SPTBN1: variants seen among roughly 807,000 people sequenced by gnomAD.
SPTBN1 encodes the protein spectrin beta chain, non-erythrocytic 1.
Under a neutral mutation model 266.4 loss-of-function variants are expected in SPTBN1, and 32 were observed. That is an observed-to-expected ratio of 0.12 (90% CI 0.09 to 0.16). The LOEUF (loss-of-function observed/expected upper bound fraction) is 0.16. Among genes scored for constraint, SPTBN1 ranks in the 10% least tolerant of loss-of-function variants. SPTBN1 has a pLI of 1.00. For missense variants in SPTBN1, 2,296 were observed against 3,067.1 expected (o/e 0.75, Z 5.94); for synonymous variants, 1,336 against 1,162.2 (o/e 1.15, Z -3.04).
intron 18 of SPTBN1, among the ~76,000 whole-genome samples, chr2:54,639,943 GC>G (rs937290609): frequency 1.3e-5 from 2 of 152,122 alleles, no homozygotes; most frequent in African/African-American, 4.8e-5. Context: ...CCCTTGTCCT[GC>G]CTGTCTCTCC....
At chr2:54,481,441 T>TGTGTG (rs1668101332) in intron 1 of SPTBN1, among the ~76,000 whole-genome samples, 1 of 139,104 alleles carries the variant, frequency 7.2e-6, no homozygotes, top group African/African-American at 2.7e-5. Flanking sequence ...TGTGTGTGTG[T>TGTGTG]TTTGTTTTGT....
At chr2:54,617,101 T>G (rs964905631) in intron 5 of SPTBN1, among the ~76,000 whole-genome samples, 7 of 152,228 alleles carry the variant, frequency 4.6e-5, no homozygotes, top group African/African-American at 1.7e-4. Context: ...TCATTATGGG[T>G]AAGTTTCACA....
At chr2:54,613,306 A>T (rs905101871) in intron 4 of SPTBN1, among the ~76,000 whole-genome samples, 3 of 55,414 alleles carry the variant, frequency 5.4e-5, no homozygotes, top group African/African-American at 5.2e-4. Flanking sequence ...TTTAATAAAG[A>T]TCTGTTTTGA....
intron 5 of SPTBN1, among the ~76,000 whole-genome samples, chr2:54,616,514 C>T (rs1677626968): frequency 6.6e-6 from 1 of 152,156 alleles, no homozygotes; most frequent in Non-Finnish European, 1.5e-5. Flanking sequence ...TAATCAGTTT[C>T]CTTCTCTTTA....
rs568646405 is a variant in SPTBN1, at chr2:54,652,003, A to AC, written c.5578-1599dup. On this transcript the variant is annotated intron_variant, in intron 26 of 35. Transcript: ENST00000356805. ...CCCCACAAGCCCTACTGCTGTCCGTACCCCCCCGCCTTTTACCCCACTTAG... is the reference window on the plus strand; with the variant it reads ...CCCCACAAGCCCTACTGCTGTCCGTACCCCCCCCGCCTTTTACCCCACTTAG... 2.8e-4 allele frequency among the ~76,000 whole-genome samples: 43 copies of AC among 151,136 alleles called. No individual in the cohort carries two copies. In the South Asian group the frequency reaches 5.5e-3, roughly 19 times the overall value.
intron 2 of SPTBN1, among the ~76,000 whole-genome samples, chr2:54,563,538 CT>C (rs1196569482): frequency 1.3e-5 from 2 of 149,246 alleles, no homozygotes; most frequent in African/African-American, 4.9e-5. Context: ...AATTTCTTAA[CT>C]CTTAGAAAGT....
chr2:54,547,954 T>C (rs921502417), intron 2 of SPTBN1, among the ~76,000 whole-genome samples: 32 of 152,168 alleles, frequency 2.1e-4, no homozygotes, highest in African/African-American at 7.0e-4. Context: ...CCATCCTGGC[T>C]AACACGGTGA....
In SPTBN1 at chr2:54,645,806, C is replaced by G. The variant is rs536565288; in HGVS notation, c.4495-122C>G. The G allele has an allele frequency of 3.7e-6, 4 of 1,080,136 alleles. No homozygotes were observed. In the Admixed American group the frequency reaches 8.3e-5, roughly 23 times the overall value. The allele number at this position is 1,080,136 out of a possible 1,614,324, so 66.9% of individuals were successfully genotyped here. On this transcript the variant is annotated intron_variant, in intron 21 of 35. Transcript: ENST00000356805. The surrounding 1 kb of genome is among the most constrained non-coding windows in gnomAD (Gnocchi z 4.3). Reference sequence around the variant, plus strand: ...GGCGTGCTTCCCCAGACAGCCCTCCCGAGGGGGCTGAGCACTCTCTGAAGC... The same window carrying G: ...GGCGTGCTTCCCCAGACAGCCCTCCGGAGGGGGCTGAGCACTCTCTGAAGC...
chr2:54,508,403 G>T (rs1379684343), intron 1 of SPTBN1, among the ~76,000 whole-genome samples: 4 of 152,202 alleles, frequency 2.6e-5, no homozygotes, highest in African/African-American at 9.7e-5. Context: ...GTGTGGGGAA[G>T]GGAGGGGGCC....
At chr2:54,667,572 G>A (rs1356642041) in intron 34 of SPTBN1, 32 bp from the exon 35 acceptor site, 16 of 1,607,462 alleles carry the variant, frequency 1.0e-5, no homozygotes, top group African/African-American at 1.3e-5. Flanking sequence ...CTGTAATTAA[G>A]TGGTGACTAA....
chr2:54,489,701 C>CA (rs370377426), intron 1 of SPTBN1, among the ~76,000 whole-genome samples: 3 of 151,676 alleles, frequency 2.0e-5, no homozygotes, highest in Non-Finnish European at 2.9e-5. Context: ...CACCCTGTCT[C>CA]AAAAAAAACC....
intron 2 of SPTBN1, among the ~76,000 whole-genome samples, chr2:54,559,998 C>T (rs943752041): frequency 4.3e-4 from 66 of 152,200 alleles, no homozygotes; most frequent in Admixed American, 3.4e-3. Flanking sequence ...CAGAACAGGA[C>T]GTGATTTTAA....
At chr2:54,542,092 T>C (rs1671972543) in intron 2 of SPTBN1, among the ~76,000 whole-genome samples, 1 of 152,248 alleles carries the variant, frequency 6.6e-6, no homozygotes, top group Non-Finnish European at 1.5e-5. Flanking sequence ...TTTCATTCAT[T>C]TATTAGTGAA....
chr2:54,595,607 C>T (rs1248719172), intron 2 of SPTBN1, among the ~76,000 whole-genome samples: 3 of 152,258 alleles, frequency 2.0e-5, no homozygotes, highest in Non-Finnish European at 4.4e-5. Context: ...AGGGCGTGCC[C>T]TTGGTGGCGT....
chr2:54,626,550 C>T lies in SPTBN1; in HGVS notation c.1644+316C>T, dbSNP rs1465287254. Reference sequence around the variant, plus strand: ...AGTTTTCAGGGTTAAACTAACTTACCGTTTCATTGATCTGTGAGTGAGTGG... The same window carrying T: ...AGTTTTCAGGGTTAAACTAACTTACTGTTTCATTGATCTGTGAGTGAGTGG... On this transcript the variant is annotated intron_variant, in intron 12 of 35. Transcript: ENST00000356805. The surrounding 1 kb of genome is among the most constrained non-coding windows in gnomAD (Gnocchi z 4.7). Among the ~76,000 whole-genome samples, 3 of 152,142 alleles carry T rather than the reference C, an allele frequency of 2.0e-5. No homozygotes were observed. Among genetic ancestry groups the T allele is most frequent in the East Asian group, 3.9e-4 (2 of 5,182 alleles).
rs186816621 is a variant in SPTBN1 at position 54,517,455 on chromosome 2, G to A, written c.-47-8917G>A. On this transcript the variant is annotated intron_variant, in intron 1 of 35. Transcript: ENST00000356805. ...GAAAGAAAATCTGATAATCATAGTGGGAAATATTACTATACTCTGTCATTG... is the reference window on the plus strand; with the variant it reads ...GAAAGAAAATCTGATAATCATAGTGAGAAATATTACTATACTCTGTCATTG... Among the ~76,000 whole-genome samples the A allele has an allele frequency of 7.6e-4, 116 of 152,074 alleles. 5 individuals are homozygous for A. Among genetic ancestry groups the A allele is most frequent in the African/African-American group, 2.8e-3 (115 of 41,476 alleles).
intron 1 of SPTBN1, among the ~76,000 whole-genome samples, chr2:54,481,391 A>AGTGTGTGTGTGT (rs72077761): frequency 1.2e-4 from 14 of 117,402 alleles, no homozygotes; most frequent in South Asian, 5.7e-4. Flanking sequence ...CAGAAACCTG[A>AGTGTGTGTGTGT]GTGTGTGTGT....
intron 2 of SPTBN1, among the ~76,000 whole-genome samples, chr2:54,582,723 C>A (rs1484732854): frequency 6.6e-6 from 1 of 152,122 alleles, no homozygotes; most frequent in Non-Finnish European, 1.5e-5. Context: ...GGGAATCTTA[C>A]TGAGCATTAA....
chr2:54,661,420 T>C, intron 32 of SPTBN1: 1 of 985,882 alleles, frequency 1.0e-6, no homozygotes, highest in Non-Finnish European at 1.2e-6. Flanking sequence ...GATTTGTCTT[T>C]TTATTTCATG....
Sources: allele counts gnomAD v4.1 joint callset (sites outside exome capture counted in the v4.1 genomes callset), GRCh38; gene constraint gnomAD v4.1.1; non-coding constraint Gnocchi (gnomAD v3.1); transcripts MANE v1.5; gene names NCBI Gene and HGNC (gene_info 2026-07-23, HGNC 2026-07-21).